TMEM242: variants seen among roughly 807,000 people sequenced by gnomAD.
TMEM242 encodes transmembrane protein 242.
In TMEM242, 10 loss-of-function variants were observed where a neutral mutation model predicts 18.2. The ratio of observed to expected loss-of-function variants is 0.55; its 90% CI spans 0.34 to 0.93. The LOEUF (loss-of-function observed/expected upper bound fraction) is 0.93, where lower values mean the gene tolerates loss of function less well. Ranked by LOEUF, TMEM242 falls within the 40% of genes least tolerant of loss-of-function variation. The pLI, the probability that TMEM242 is intolerant of heterozygous loss-of-function variation, is 0.02. For missense variants in TMEM242, 186 were observed against 175.5 expected, an observed-to-expected ratio of 1.06 and a Z score of -0.34; for synonymous variants, 57 against 69.9, an observed-to-expected ratio of 0.81 and a Z score of 0.92.
chr6:157,321,634 T>C lies in TMEM242; in HGVS notation c.189+1071A>G, dbSNP rs1232383844. 2.0e-5 allele frequency among the ~76,000 whole-genome samples: 3 copies of C among 152,226 alleles called. No individual in the cohort carries two copies. In the East Asian group the frequency reaches 5.8e-4, roughly 29 times the overall value. ...CTGTGGACTGCAGTTTGAAAACCAC[T>C]GTTAGACCCCGAAGAGCATCTGTGA... On this transcript the variant is annotated intron_variant, in intron 2 of 3. Coordinates refer to ENST00000400788, the MANE Select transcript of TMEM242 (RefSeq NM_018452.6).
rs184013134 is a variant in TMEM242 at position 157,301,673 on chromosome 6, C to T, written c.328-8674G>A. On this transcript the variant is annotated intron_variant, in intron 3 of 3. Coordinates refer to ENST00000400788, the MANE Select transcript of TMEM242 (RefSeq NM_018452.6). ...CCAGGGCTGGACGCAGTGGCTCACA[C>T]CTGTAATCCCAGCACTTTGGAGGCT... Among the ~76,000 whole-genome samples the T allele has an allele frequency of 4.6e-4, 70 of 152,294 alleles. 1 individual carries two copies. The highest frequency in any genetic ancestry group is 1.6e-3 in the African/African-American group (67 of 41,566).
chr6:157,313,331 C>G (rs879953770), intron 3 of TMEM242, among the ~76,000 whole-genome samples: 17 of 144,380 alleles, frequency 1.2e-4, no homozygotes, highest in East Asian at 7.8e-4. Context: ...CACCTGGCCT[C>G]ATCATAGTGC....
rs1441881912 is a variant in TMEM242 at position 157,312,798 on chromosome 6, C to G, written c.327+5984G>C. 6.2e-4 allele frequency among the ~76,000 whole-genome samples: 84 copies of G among 135,354 alleles called. 6 individuals carry two copies. The highest frequency in any genetic ancestry group is 2.4e-3 in the African/African-American group (84 of 34,548). 88.8% of individuals were successfully genotyped at this position (135,354 alleles called of 152,430 possible). A position where few individuals can be genotyped will look rare whatever the true frequency, so the allele number is the denominator to read the frequency against. On this transcript the variant is annotated intron_variant, in intron 3 of 3. Transcript: ENST00000400788. ...CGCTCACCTAGCTTCATCATAATGC[C>G]CCAGTGTGAACTCAACTAGCCTCAT...
intron 3 of TMEM242, among the ~76,000 whole-genome samples, chr6:157,303,838 A>AGGGGGGGGGGGGG (rs35013252): frequency 2.1e-5 from 1 of 47,842 alleles, no homozygotes; most frequent in Admixed American, 2.4e-4. Context: ...TGGCGGGGGG[A>AGGGGGGGGGGGGG]GGGGGGGGTC....
intron 3 of TMEM242, among the ~76,000 whole-genome samples, chr6:157,314,110 A>T (rs1778327678): frequency 1.4e-5 from 2 of 144,588 alleles, no homozygotes; most frequent in Non-Finnish European, 3.0e-5. Context: ...ACCCGGCCTC[A>T]TCATTGTGTC....
chr6:157,316,363 A>G (rs1377200275), intron 3 of TMEM242, among the ~76,000 whole-genome samples: 2 of 152,236 alleles, frequency 1.3e-5, no homozygotes, highest in African/African-American at 4.8e-5. Context: ...GGGGATATTA[A>G]TATCTGCTAG....
intron 3 of TMEM242, among the ~76,000 whole-genome samples, chr6:157,306,516 G>A (rs949279436): frequency 2.0e-5 from 3 of 152,162 alleles, no homozygotes; most frequent in Non-Finnish European, 2.9e-5. Context: ...GGTTGTAGTT[G>A]GGGACAAATG....
intron 3 of TMEM242, among the ~76,000 whole-genome samples, chr6:157,298,064 A>G (rs1301902249): frequency 6.6e-6 from 1 of 152,248 alleles, no homozygotes; most frequent in Non-Finnish European, 1.5e-5. Flanking sequence ...GCCAATTTTT[A>G]TGACAGTAAT....
At chr6:157,320,452 T>C (rs1399860119) in intron 2 of TMEM242, among the ~76,000 whole-genome samples, 1 of 152,206 alleles carries the variant, frequency 6.6e-6, no homozygotes, top group African/African-American at 2.4e-5. Flanking sequence ...GACAATGTTT[T>C]ACATTTTTGT....
intron 3 of TMEM242, among the ~76,000 whole-genome samples, chr6:157,297,179 G>A (rs1777761793): frequency 1.3e-5 from 2 of 152,192 alleles, no homozygotes; most frequent in Admixed American, 6.5e-5. Flanking sequence ...GGTGATGGAA[G>A]CTCAGAGAAA....
At chr6:157,304,552 CAATA>C (rs1777884403) in intron 3 of TMEM242, among the ~76,000 whole-genome samples, 1 of 144,120 alleles carries the variant, frequency 6.9e-6, no homozygotes, top group Non-Finnish European at 1.5e-5. Context: ...AGATTGCATT[CAATA>C]AATACTTACT....
intron 3 of TMEM242, among the ~76,000 whole-genome samples, chr6:157,304,862 G>A (rs1554247810): frequency 1.3e-5 from 2 of 152,166 alleles, no homozygotes; most frequent in Non-Finnish European, 2.9e-5. Flanking sequence ...CAAGGACCTG[G>A]GGAAGGAGTT....
At chr6:157,301,323 CT>C (rs200310721) in intron 3 of TMEM242, among the ~76,000 whole-genome samples, 5,020 of 147,570 alleles carry the variant, frequency 0.034, 128 homozygotes, top group Admixed American at 0.048. Context: ...AAAGCTATTA[CT>C]TTTTTTTTTT....
At chr6:157,294,651 C>T (rs1311782059) in intron 3 of TMEM242, among the ~76,000 whole-genome samples, 2 of 151,382 alleles carry the variant, frequency 1.3e-5, no homozygotes, top group Non-Finnish European at 2.9e-5. Flanking sequence ...CGCCCGGCCG[C>T]AAGTCATTTC....
At chr6:157,312,587 A>T (rs1583569452) in intron 3 of TMEM242, among the ~76,000 whole-genome samples, 21 of 147,146 alleles carry the variant, frequency 1.4e-4, no homozygotes, top group Non-Finnish European at 2.0e-4. Context: ...CGGCCTCATC[A>T]TAGTGCCGCA....
intron 3 of TMEM242, among the ~76,000 whole-genome samples, chr6:157,295,634 C>T (rs1361012438): frequency 2.0e-5 from 3 of 152,278 alleles, no homozygotes; most frequent in East Asian, 1.9e-4. Context: ...GGCAGGGTTA[C>T]GTTTCCATTT....
chr6:157,321,122 C>T (rs1160995504), intron 2 of TMEM242, among the ~76,000 whole-genome samples: 1 of 151,552 alleles, frequency 6.6e-6, no homozygotes, highest in Non-Finnish European at 1.5e-5. Flanking sequence ...CATTCTCCTG[C>T]CTCAGCCTCC....
chr6:157,308,942 G>A (rs1453487773), intron 3 of TMEM242, among the ~76,000 whole-genome samples: 1 of 152,194 alleles, frequency 6.6e-6, no homozygotes, highest in East Asian at 1.9e-4. Context: ...AACATCTTTT[G>A]TGCAAGGAGA....
chr6:157,323,516 G>A lies in TMEM242; in HGVS notation c.-17C>T, dbSNP rs782493900. 3.7e-6 allele frequency: 6 copies of A among 1,608,964 alleles called. No homozygotes were observed. The highest frequency in any genetic ancestry group is 4.3e-6 in the Non-Finnish European group (5 of 1,176,324). ...TGTCTCCATGTTTAGGTCGCCTCTA[G>A]TGCGTCCGTCCCCAACTGGGCCCGG... On this transcript the variant is annotated 5_prime_UTR_variant, in exon 1 of 4. Transcript: ENST00000400788.
Sources: allele counts gnomAD v4.1 joint callset (sites outside exome capture counted in the v4.1 genomes callset), GRCh38; gene constraint gnomAD v4.1.1; transcripts MANE v1.5; gene names NCBI Gene and HGNC (gene_info 2026-07-23, HGNC 2026-07-21).